The following ACTL6A variants were observed in gnomAD, a reference collection of about 807,000 sequenced individuals.
ACTL6A encodes the protein actin like 6A, also known as actin-like protein 6A.
In ACTL6A, 5 loss-of-function variants were observed where a neutral mutation model predicts 59.2. The observed-to-expected ratio is 0.08, with a 90% CI of 0.04 to 0.18. ACTL6A has a LOEUF of 0.18. ACTL6A is among the 10% of genes least tolerant of loss of function. The probability of loss-of-function intolerance (pLI) is 1.00; values close to 1 mark genes in which losing one functional copy is unlikely to be tolerated. For synonymous variants in ACTL6A, 154 were observed against 171.8 expected, an observed-to-expected ratio of 0.90 and a Z score of 0.81; for missense variants, 285 against 526.9, an observed-to-expected ratio of 0.54 and a Z score of 4.49.
At chr3:179,579,453 T>TACACACACACACAC (rs1477872220) in intron 8 of ACTL6A, among the ~76,000 whole-genome samples, 31 of 55,278 alleles carry the variant, frequency 5.6e-4, no homozygotes, top group South Asian at 2.3e-3. Flanking sequence ...ATTTATATCA[T>TACACACACACACAC]ATACACACAC....
At position 179,573,517 on chromosome 3, in the gene ACTL6A, TTTC is replaced by T. The variant is rs1396918884; in HGVS notation, c.378+51_378+53del. The T allele has an allele frequency of 2.4e-6, 3 of 1,239,442 alleles. No homozygotes were observed. The South Asian group carries it at 4.6e-5, about 19-fold the overall frequency. 76.8% of individuals were successfully genotyped at this position (1,239,442 alleles called of 1,614,324 possible). On this transcript the variant is annotated intron_variant, in intron 4 of 13. Coordinates refer to ENST00000429709, the MANE Select transcript of ACTL6A (RefSeq NM_004301.5). ...CACGTTTCTCTAGTTGTTTTTTTTT[TTTC>T]TTTTTTTTTTCCTTTAGTTTTCTAC...
chr3:179,563,316 A>C (rs1717725680), intron 1 of ACTL6A, among the ~76,000 whole-genome samples, 199 bp downstream of exon 1: 1 of 151,834 alleles, frequency 6.6e-6, no homozygotes, highest in African/African-American at 2.4e-5. Flanking sequence ...GGCTCCCTGA[A>C]GTGGCGGCTC....
chr3:179,565,481 ATAT>A (rs1001754433), intron 1 of ACTL6A, among the ~76,000 whole-genome samples: 6 of 149,302 alleles, frequency 4.0e-5, no homozygotes, highest in African/African-American at 9.8e-5. Context: ...TATATATTAT[ATAT>A]TATATGTTAT....
At chr3:179,573,304 C>A in intron 3 of ACTL6A, 65 bp from the exon 4 acceptor site, 1 of 1,100,850 alleles carries the variant, frequency 9.1e-7, no homozygotes, top group Non-Finnish European at 1.3e-6. Flanking sequence ...GAAACAATTT[C>A]TCAAAAGATG....
intron 11 of ACTL6A, among the ~76,000 whole-genome samples, chr3:179,583,003 G>A (rs1022556370): frequency 5.9e-5 from 9 of 152,164 alleles, no homozygotes; most frequent in African/African-American, 2.2e-4. Context: ...TTGAACCCAG[G>A]AGTTTGAGGC....
At chr3:179,572,577 G>T (rs1718041705) in intron 3 of ACTL6A, among the ~76,000 whole-genome samples, 2 of 152,146 alleles carry the variant, frequency 1.3e-5, no homozygotes, top group South Asian at 4.1e-4. Context: ...GGCTGAGGTG[G>T]GTGGATCACC....
At position 179,576,351 on chromosome 3, in the gene ACTL6A, A is replaced by G. The variant is rs374025900; in HGVS notation, c.571+40A>G. 9 of 1,424,294 alleles carry G rather than the reference A, an allele frequency of 6.3e-6. No individual in the cohort carries two copies. The Admixed American group carries it at 8.9e-5, about 14-fold the overall frequency. 88.2% of individuals were successfully genotyped at this position (1,424,294 alleles called of 1,614,324 possible). ...CCAGGATACACTGAGATGATTTTAG[A>G]TGCCATGAGGATGCACATAATGAAA... On this transcript the variant is annotated intron_variant, in intron 6 of 13. Transcript: ENST00000429709.
intron 7 of ACTL6A, 29 bp from the exon 8 acceptor site, chr3:179,576,795 A>T: frequency 6.2e-7 from 1 of 1,612,004 alleles, no homozygotes; most frequent in Non-Finnish European, 8.5e-7. Flanking sequence ...AGTGAACTCC[A>T]TTAACCTAGC....
At chr3:179,583,541 A>G in intron 12 of ACTL6A, 93 bp downstream of exon 12, 1 of 928,468 alleles carries the variant, frequency 1.1e-6, no homozygotes, top group South Asian at 1.5e-5. Flanking sequence ...TTTTCAATAG[A>G]TACATGATAT....
At chr3:179,577,415 T>C (rs1479771593) in intron 8 of ACTL6A, among the ~76,000 whole-genome samples, 3 of 152,030 alleles carry the variant, frequency 2.0e-5, no homozygotes, top group South Asian at 4.1e-4. Flanking sequence ...TCTGAACATA[T>C]GGCTTACTGA....
At chr3:179,572,419 A>C (rs191447101) in intron 3 of ACTL6A, among the ~76,000 whole-genome samples, 5 of 152,232 alleles carry the variant, frequency 3.3e-5, no homozygotes, top group Non-Finnish European at 7.3e-5. Flanking sequence ...TGTGACAGAA[A>C]AGTTTGTAAA....
intron 1 of ACTL6A, among the ~76,000 whole-genome samples, chr3:179,566,776 G>A (rs1366028000): frequency 2.6e-5 from 4 of 152,052 alleles, no homozygotes; most frequent in African/African-American, 2.4e-5. Context: ...TGCAGCCTCC[G>A]CCTGCCGGGT....
intron 8 of ACTL6A, 40 bp from the exon 9 acceptor site, chr3:179,580,600 A>C: frequency 7.2e-7 from 1 of 1,394,098 alleles, no homozygotes; most frequent in Non-Finnish European, 1.0e-6. Context: ...TACAAAGATA[A>C]ATCTCAACCT....
chr3:179,564,428 G>A lies in ACTL6A; in HGVS notation c.25+1311G>A, dbSNP rs111709887. On this transcript the variant is annotated intron_variant, in intron 1 of 13. Transcript: ENST00000429709. ...CAAAAGCCTTTTTAGTAGAGTAGAG[G>A]TTCAATTCTTGAGGATTTTTATAGA... 4.1e-3 allele frequency among the ~76,000 whole-genome samples: 621 copies of A among 152,260 alleles called. 4 individuals carry two copies. Among genetic ancestry groups the A allele is most frequent in the Non-Finnish European group, 6.7e-3 (459 of 68,030 alleles).
intron 4 of ACTL6A, 120 bp from the exon 5 acceptor site, chr3:179,574,250 G>A (rs1718100980): frequency 4.0e-6 from 2 of 496,218 alleles, no homozygotes; most frequent in African/African-American, 1.9e-5. Context: ...GATTTCCCAT[G>A]GTATTTTATT....
At chr3:179,566,764 G>A (rs1311869418) in intron 1 of ACTL6A, among the ~76,000 whole-genome samples, 2 of 152,142 alleles carry the variant, frequency 1.3e-5, no homozygotes, top group Non-Finnish European at 2.9e-5. Flanking sequence ...ATCTCAGCTC[G>A]TTGCAGCCTC....
chr3:179,572,610 GC>G (rs1718042620), intron 3 of ACTL6A, among the ~76,000 whole-genome samples: 2 of 152,242 alleles, frequency 1.3e-5, no homozygotes, highest in African/African-American at 4.8e-5. Context: ...TTCGAGACCA[GC>G]CTGGCCAACA....
rs532402023 is a variant in ACTL6A, at chr3:179,585,353, C to T, written c.1123-1193C>T. On this transcript the variant is annotated intron_variant, in intron 12 of 13. Coordinates refer to ENST00000429709, the MANE Select transcript of ACTL6A (RefSeq NM_004301.5). ...CCGACCTCAGGTGATCCACCCGCCT[C>T]GGCCTCCCAAAGTGCTGGGATTATA... Among the ~76,000 whole-genome samples the T allele has an allele frequency of 1.3e-3, 193 of 152,286 alleles. 1 individual carries two copies. The highest frequency in any genetic ancestry group is 0.011 in the South Asian group (55 of 4,830).
chr3:179,563,168 T>G, intron 1 of ACTL6A, 51 bp downstream of exon 1: 1 of 1,574,304 alleles, frequency 6.4e-7, no homozygotes, highest in Non-Finnish European at 8.6e-7. Flanking sequence ...CGTGTGGGGT[T>G]TGTAACCGCC....
Sources: gnomAD v4.1 joint callset for allele counts (sites outside exome capture counted in the v4.1 genomes callset) on GRCh38, gnomAD v4.1.1 for gene constraint, MANE v1.5 for transcripts, NCBI Gene and HGNC (gene_info 2026-07-23, HGNC 2026-07-21) for gene names.